Variants in ZNF385D observed in about 807,000 individuals in gnomAD.
ZNF385D encodes zinc finger protein 659.
Under a neutral mutation model 35.8 loss-of-function variants are expected in ZNF385D, and 15 were observed. That is an observed-to-expected ratio of 0.42 (90% confidence interval 0.28 to 0.64). The LOEUF (loss-of-function observed/expected upper bound fraction) is 0.64. ZNF385D is among the 30% of genes least tolerant of loss of function. ZNF385D has a pLI of 0.23. For synonymous variants in ZNF385D, 212 were observed against 186.8 expected (o/e 1.13, Z -1.10); for missense variants, 474 against 494.6 (o/e 0.96, Z 0.39).
chr3:22,244,661 T>C (rs1699678649), intron 2 of ZNF385D, among the ~76,000 whole-genome samples: 2 of 151,030 alleles, frequency 1.3e-5, no homozygotes, highest in Non-Finnish European at 2.9e-5. Context: ...TAATATCCCT[T>C]AAATACAAAT....
intron 1 of ZNF385D, among the ~76,000 whole-genome samples, 171 bp from the exon 2 acceptor site, chr3:21,665,199 A>G (rs1395243340): frequency 1.3e-5 from 2 of 152,356 alleles, no homozygotes; most frequent in South Asian, 2.1e-4. Flanking sequence ...GCCATTAGGC[A>G]GAGGGAGCTA....
exon 2 of ZNF385D, chr3:22,372,576 G>A (rs1335048458): frequency 4.1e-6 from 4 of 981,698 alleles, no homozygotes; most frequent in Non-Finnish European, 2.4e-6. Flanking sequence ...CAGCCGCCGG[G>A]GCTGGCTGTC....
chr3:21,970,958 A>G (rs1703216252), intron 3 of ZNF385D, among the ~76,000 whole-genome samples: 1 of 152,128 alleles, frequency 6.6e-6, no homozygotes, highest in Non-Finnish European at 1.5e-5. Context: ...TTAGAGTACT[A>G]TATCCAGTAA....
At chr3:21,926,568 T>C (rs1700740044) in intron 3 of ZNF385D, among the ~76,000 whole-genome samples, 1 of 152,200 alleles carries the variant, frequency 6.6e-6, no homozygotes, top group Non-Finnish European at 1.5e-5. Flanking sequence ...AAGTCTTTGC[T>C]ATTGTGAACA....
At chr3:22,038,078 C>G (rs1306932175) in intron 3 of ZNF385D, among the ~76,000 whole-genome samples, 1 of 152,146 alleles carries the variant, frequency 6.6e-6, no homozygotes, top group Non-Finnish European at 1.5e-5. Flanking sequence ...AAAATTAATT[C>G]AAGATGGATT....
intron 2 of ZNF385D, among the ~76,000 whole-genome samples, chr3:21,599,330 A>G (rs1559447002): frequency 6.6e-6 from 1 of 152,236 alleles, no homozygotes; most frequent in Non-Finnish European, 1.5e-5. Context: ...AACACATACT[A>G]CTGCATGAAT....
In ZNF385D at chr3:21,957,523, C is replaced by A. The variant is rs116072354; in HGVS notation, c.325+211294G>T. 7.1e-3 allele frequency among the ~76,000 whole-genome samples: 1,076 copies of A among 152,226 alleles called. 6 individuals are homozygous for A. Among genetic ancestry groups the A allele is most frequent in the Non-Finnish European group, 0.012 (813 of 67,998 alleles). Reference sequence around the variant, plus strand: ...ATGGCGATGAGGAACTTGTTGAGAACTGGAGCAAAGGTGACTCTTGTTTTG... The same window carrying A: ...ATGGCGATGAGGAACTTGTTGAGAAATGGAGCAAAGGTGACTCTTGTTTTG... On this transcript the variant is annotated intron_variant, in intron 3 of 5. Transcript: ENST00000494108.
At chr3:22,238,453 C>T (rs1699311388) in intron 2 of ZNF385D, among the ~76,000 whole-genome samples, 2 of 150,574 alleles carry the variant, frequency 1.3e-5, no homozygotes, top group Non-Finnish European at 1.5e-5. Context: ...ATATGAAATG[C>T]CGTTCCACTT....
At chr3:22,262,231 A>C (rs995711389) in intron 2 of ZNF385D, among the ~76,000 whole-genome samples, 2 of 151,906 alleles carry the variant, frequency 1.3e-5, no homozygotes, top group East Asian at 3.9e-4. Flanking sequence ...GGAAGGAGAC[A>C]TGAGCTATTC....
At chr3:22,322,083 A>G (rs924823145) in intron 2 of ZNF385D, among the ~76,000 whole-genome samples, 4 of 152,136 alleles carry the variant, frequency 2.6e-5, no homozygotes, top group African/African-American at 9.7e-5. Flanking sequence ...GCTGTCACCA[A>G]ACTCTGATTA....
chr3:21,695,709 A>C (rs1319181152), intron 1 of ZNF385D, among the ~76,000 whole-genome samples: 1 of 151,948 alleles, frequency 6.6e-6, no homozygotes, highest in African/African-American at 2.4e-5. Flanking sequence ...TAATCCTCAT[A>C]ACAATTTTAT....
At chr3:22,075,998 G>A (rs930596973) in intron 3 of ZNF385D, among the ~76,000 whole-genome samples, 3 of 151,776 alleles carry the variant, frequency 2.0e-5, no homozygotes, top group Non-Finnish European at 2.9e-5. Flanking sequence ...TCCTACAAAT[G>A]CAAACTGCAA....
At chr3:22,240,961 T>A (rs1432569320) in intron 2 of ZNF385D, among the ~76,000 whole-genome samples, 1 of 151,038 alleles carries the variant, frequency 6.6e-6, no homozygotes, top group Non-Finnish European at 1.5e-5. Flanking sequence ...CTTCTACATC[T>A]CTGGCTTCTA....
At chr3:21,740,274 C>T (rs1336024287) in intron 1 of ZNF385D, among the ~76,000 whole-genome samples, 1 of 152,182 alleles carries the variant, frequency 6.6e-6, no homozygotes, top group Non-Finnish European at 1.5e-5. Flanking sequence ...CTGGCCTCTA[C>T]AGCATAACTA....
At chr3:21,988,775 C>G in intron 3 of ZNF385D, among the ~76,000 whole-genome samples, 1 of 152,050 alleles carries the variant, frequency 6.6e-6, no homozygotes, top group East Asian at 1.9e-4. Context: ...AGCCTCGCTG[C>G]CGCTTTGCAG....
intron 2 of ZNF385D, among the ~76,000 whole-genome samples, chr3:22,259,548 G>A (rs556988614): frequency 2.0e-5 from 3 of 151,976 alleles, no homozygotes; most frequent in African/African-American, 7.2e-5. Context: ...ATATACTTCT[G>A]CATGTAACAG....
At chr3:21,761,033 C>G (rs2070585761) in intron 3 of ZNF385D, among the ~76,000 whole-genome samples, 1 of 152,116 alleles carries the variant, frequency 6.6e-6, no homozygotes, top group African/African-American at 2.4e-5. Context: ...GTATCATACA[C>G]TTTAGGAATA....
intron 3 of ZNF385D, among the ~76,000 whole-genome samples, chr3:21,923,727 T>G (rs1408367151): frequency 6.6e-6 from 1 of 151,980 alleles, no homozygotes; most frequent in Non-Finnish European, 1.5e-5. Flanking sequence ...GCAGTTGGAG[T>G]CCATTATCAT....
intron 3 of ZNF385D, among the ~76,000 whole-genome samples, chr3:21,919,158 C>T (rs11714007): frequency 0.54 from 81,385 of 152,050 alleles, 23,837 homozygotes; most frequent in South Asian, 0.66. Flanking sequence ...TGTTGAAGGA[C>T]AATGTTAATA....
Sources: allele counts gnomAD v4.1 joint callset (sites outside exome capture counted in the v4.1 genomes callset), GRCh38; gene constraint gnomAD v4.1.1; transcripts MANE v1.5; gene names NCBI Gene and HGNC (gene_info 2026-07-23, HGNC 2026-07-21).